The following HNF4A variants were observed in gnomAD, a reference collection of about 807,000 sequenced individuals.
HNF4A encodes hepatocyte nuclear factor 4 alpha, also known as hepatocyte nuclear factor 4-alpha.
A neutral mutation model predicts 52.4 loss-of-function variants in HNF4A; 15 were observed. The observed-to-expected ratio is 0.29, with a 90% CI of 0.19 to 0.44. The LOEUF (loss-of-function observed/expected upper bound fraction) is 0.44, where lower values mean the gene tolerates loss of function less well. HNF4A is among the 20% of genes least tolerant of loss of function. HNF4A has a pLI of 1.00. For synonymous variants in HNF4A, 280 were observed against 264.4 expected (o/e 1.06, Z -0.57); for missense variants, 479 against 647.2 (o/e 0.74, Z 2.82).
At chr20:44,423,612 C>G (rs965507791) in intron 7 of HNF4A, among the ~76,000 whole-genome samples, 3 of 152,200 alleles carry the variant, frequency 2.0e-5, no homozygotes, top group Non-Finnish European at 4.4e-5. Flanking sequence ...GAGGGGACCT[C>G]AACTGTGGCC....
intron 7 of HNF4A, among the ~76,000 whole-genome samples, chr20:44,421,631 G>A (rs1031742082): frequency 3.3e-5 from 5 of 151,886 alleles, no homozygotes; most frequent in African/African-American, 9.7e-5. Context: ...GTCCGTGCCT[G>A]TAATCCCAGC....
chr20:44,411,950 G>C (rs1339030850), intron 3 of HNF4A, among the ~76,000 whole-genome samples: 1 of 151,812 alleles, frequency 6.6e-6, no homozygotes, highest in Non-Finnish European at 1.5e-5. Flanking sequence ...CCAGCTATTC[G>C]GGAGGCTGAG....
chr20:44,430,436 A>G lies in HNF4A; in HGVS notation c.*771A>G, dbSNP rs969780345. 39 of 152,470 alleles carry G rather than the reference A, an allele frequency of 2.6e-4. No individual in the cohort carries two copies. Among genetic ancestry groups the G allele is most frequent in the African/African-American group, 9.2e-4 (38 of 41,454 alleles). 9.4% of individuals were successfully genotyped at this position (152,470 alleles called of 1,614,324 possible). A position where few individuals can be genotyped will look rare whatever the true frequency, so the allele number is the denominator to read the frequency against. ...AAAACAAACCCAGGTTGGCGACTGC[A>G]ACAGGAACTTGGAGTGGAGAGGAAA... On this transcript the variant is annotated 3_prime_UTR_variant, in exon 10 of 10. Coordinates refer to ENST00000316099, the MANE Select transcript of HNF4A (RefSeq NM_000457.6).
chr20:44,391,989 A>G (rs2063307247), intron 1 of HNF4A: 1 of 152,186 alleles, frequency 6.6e-6, no homozygotes, highest in Non-Finnish European at 1.5e-5. Context: ...AAAATATTAA[A>G]TAATAATAAT....
chr20:44,412,491 G>A (rs6031590), intron 3 of HNF4A, among the ~76,000 whole-genome samples: 62,409 of 151,818 alleles, frequency 0.41, 13,392 homozygotes, highest in East Asian at 0.68. Flanking sequence ...GGGTTTTCGC[G>A]GACAGAGTGT....
chr20:44,395,570 A>T (rs528848611), intron 1 of HNF4A: 2 of 152,268 alleles, frequency 1.3e-5, no homozygotes, highest in East Asian at 3.9e-4. Context: ...ACAGCCTAGC[A>T]GAGCCTCTTG....
At chr20:44,392,023 C>G (rs565229595) in intron 1 of HNF4A, 1 of 152,044 alleles carries the variant, frequency 6.6e-6, no homozygotes, top group East Asian at 1.9e-4. Flanking sequence ...ATAATATGAC[C>G]GGTGTGCAGT....
intron 1 of HNF4A, among the ~76,000 whole-genome samples, chr20:44,376,556 GTTGTTTGT>G (rs891312435): frequency 2.0e-5 from 3 of 152,088 alleles, no homozygotes; most frequent in Non-Finnish European, 2.9e-5. Context: ...TTCTTTGGAT[GTTGTTTGT>G]TTGTTTGTTT....
At chr20:44,415,577 G>A (rs989612896) in intron 5 of HNF4A, among the ~76,000 whole-genome samples, 3 of 152,120 alleles carry the variant, frequency 2.0e-5, no homozygotes, top group South Asian at 4.2e-4. Flanking sequence ...TCTCAGCTTC[G>A]GAGACAGACT....
chr20:44,400,554 G>A (rs371939600), upstream of HNF4A, among the ~76,000 whole-genome samples: 8 of 152,172 alleles, frequency 5.3e-5, no homozygotes, highest in African/African-American at 9.7e-5. Context: ...GCTCCGGGAG[G>A]GGGTGGGGGT....
chr20:44,413,849 G>A (rs371786510), intron 4 of HNF4A, 49 bp downstream of exon 4: 24 of 1,250,872 alleles, frequency 1.9e-5, no homozygotes, highest in Non-Finnish European at 2.8e-5. Context: ...ACACTACAGA[G>A]GAGCTCACCT....
At chr20:44,385,435 G>A (rs1486016022) in intron 1 of HNF4A, among the ~76,000 whole-genome samples, 4 of 151,922 alleles carry the variant, frequency 2.6e-5, no homozygotes, top group African/African-American at 9.7e-5. Context: ...AACATAGCAA[G>A]ACACCTCCCC....
intron 7 of HNF4A, 147 bp downstream of exon 7, chr20:44,420,023 G>A (rs775336073): frequency 1.9e-5 from 16 of 855,496 alleles, no homozygotes; most frequent in Non-Finnish European, 3.1e-5. Context: ...AACAGATGAG[G>A]CAAGTCAAGA....
At chr20:44,368,160 A>ATATATATT (rs1200638153) in intron 1 of HNF4A, among the ~76,000 whole-genome samples, 3 of 27,774 alleles carry the variant, frequency 1.1e-4, no homozygotes, top group Non-Finnish European at 1.8e-4. Flanking sequence ...ATATATATAT[A>ATATATATT]TTTTTTTTTT....
intron 1 of HNF4A, 86 bp downstream of exon 1, chr20:44,355,939 C>A: frequency 1.7e-6 from 2 of 1,207,878 alleles, no homozygotes; most frequent in South Asian, 2.9e-5. Context: ...GTGTTTCTTA[C>A]GGGCCCAAAG....
intron 4 of HNF4A, 24 bp from the exon 5 acceptor site, chr20:44,414,483 T>C: frequency 6.2e-7 from 1 of 1,614,060 alleles, no homozygotes; most frequent in Non-Finnish European, 8.5e-7. Flanking sequence ...ATCTCCAGCA[T>C]TTTCTTCCCT....
intron 1 of HNF4A, chr20:44,390,738 CAG>C (rs906448645): frequency 6.2e-5 from 43 of 691,762 alleles, no homozygotes; most frequent in African/African-American, 5.8e-4. Context: ...GAGAGAGACA[CAG>C]AACCAAGGGG....
chr20:44,410,312 C>T (rs1453025505), intron 3 of HNF4A, among the ~76,000 whole-genome samples: 4 of 152,182 alleles, frequency 2.6e-5, no homozygotes, highest in Non-Finnish European at 5.9e-5. Flanking sequence ...GGCGAGTGAG[C>T]GTGGGTTAGT....
At chr20:44,366,285 G>T (rs2062969228) in intron 1 of HNF4A, among the ~76,000 whole-genome samples, 2 of 152,086 alleles carry the variant, frequency 1.3e-5, no homozygotes, top group Non-Finnish European at 2.9e-5. Flanking sequence ...AATTTATAGA[G>T]TACTTACTAG....
Sources: gnomAD v4.1 joint callset for allele counts (sites outside exome capture counted in the v4.1 genomes callset) on GRCh38, gnomAD v4.1.1 for gene constraint, MANE v1.5 for transcripts, NCBI Gene and HGNC (gene_info 2026-07-23, HGNC 2026-07-21) for gene names.